HDAC9: variants seen among roughly 807,000 people sequenced by gnomAD.
HDAC9 encodes MEF-2 interacting transcription repressor (MITR) protein.
A neutral mutation model predicts 139.4 loss-of-function variants in HDAC9; 41 were observed. The ratio of observed to expected loss-of-function variants is 0.29; its 90% CI spans 0.23 to 0.38. The LOEUF is 0.38. Ranked by LOEUF, HDAC9 falls within the 10% of genes least tolerant of loss-of-function variation. The pLI is 1.00. For missense variants in HDAC9, 1,147 were observed against 1,297.0 expected (o/e 0.88, Z 1.78); for synonymous variants, 517 against 476.2 (o/e 1.09, Z -1.12).
intron 1 of HDAC9, among the ~76,000 whole-genome samples, chr7:18,304,902 C>CA (rs1254393626): frequency 6.6e-6 from 1 of 151,814 alleles, no homozygotes; most frequent in African/African-American, 2.4e-5. Context: ...CATATGCCCC[C>CA]ACCCCCACCT....
intron 1 of HDAC9, among the ~76,000 whole-genome samples, chr7:18,103,794 C>T (rs1337365207): frequency 1.3e-5 from 2 of 152,182 alleles, no homozygotes; most frequent in Non-Finnish European, 2.9e-5. Flanking sequence ...CAAACTTCTA[C>T]ATAAAGATCG....
At chr7:18,743,365 C>A (rs1033970372) in intron 13 of HDAC9, among the ~76,000 whole-genome samples, 6 of 152,058 alleles carry the variant, frequency 3.9e-5, no homozygotes, top group African/African-American at 1.4e-4. Context: ...GACAAACAGA[C>A]AAACACAAAG....
chr7:18,446,238 TG>T (rs1435400886), intron 1 of HDAC9, among the ~76,000 whole-genome samples: 2 of 152,260 alleles, frequency 1.3e-5, no homozygotes, highest in African/African-American at 4.8e-5. Context: ...ATTCAGAAGA[TG>T]GCCAAAAATA....
At chr7:18,265,684 A>T (rs921303547) in intron 2 of HDAC9, among the ~76,000 whole-genome samples, 5 of 152,180 alleles carry the variant, frequency 3.3e-5, no homozygotes, top group Non-Finnish European at 7.4e-5. Flanking sequence ...TTAATGAAAG[A>T]TAAACATATT....
intron 1 of HDAC9, among the ~76,000 whole-genome samples, chr7:18,421,944 G>A (rs942363109): frequency 1.6e-4 from 24 of 152,122 alleles, no homozygotes; most frequent in African/African-American, 5.3e-4. Context: ...TATATCTTTC[G>A]GGCTTGATCA....
intron 16 of HDAC9, among the ~76,000 whole-genome samples, chr7:18,774,490 T>C (rs567739842): frequency 1.8e-4 from 28 of 152,200 alleles, no homozygotes; most frequent in African/African-American, 6.3e-4. Flanking sequence ...TGTTTCTCAG[T>C]GTATACTAAA....
At chr7:18,516,535 T>C (rs1381440193) in intron 2 of HDAC9, among the ~76,000 whole-genome samples, 1 of 152,260 alleles carries the variant, frequency 6.6e-6, no homozygotes, top group African/African-American at 2.4e-5. Flanking sequence ...CCAGAGGATG[T>C]TCTGATGTGT....
chr7:18,641,097 C>G (rs1200735192), intron 8 of HDAC9, among the ~76,000 whole-genome samples: 1 of 152,084 alleles, frequency 6.6e-6, no homozygotes, highest in Non-Finnish European at 1.5e-5. Flanking sequence ...CCCAGTGTCC[C>G]TTCTGGAAGA....
intron 1 of HDAC9, among the ~76,000 whole-genome samples, chr7:18,145,385 G>A (rs1048850085): frequency 4.9e-4 from 75 of 152,300 alleles, no homozygotes; most frequent in African/African-American, 1.7e-3. Flanking sequence ...GTTTCAAGTT[G>A]ACTGAGCTGG....
chr7:18,667,873 C>T, intron 12 of HDAC9: 1 of 983,200 alleles, frequency 1.0e-6, no homozygotes, highest in Non-Finnish European at 1.2e-6. Context: ...TATAGGTTTA[C>T]TTTTGTTAAG....
chr7:18,789,286 G>GCACACA (rs34385627), intron 16 of HDAC9, among the ~76,000 whole-genome samples: 5 of 148,376 alleles, frequency 3.4e-5, no homozygotes, highest in African/African-American at 5.0e-5. Context: ...ACACATACAC[G>GCACACA]CACACACACA....
rs1397641350 is a variant in HDAC9, at chr7:18,189,781, CA to C, written c.25+27438del. 3.9e-5 allele frequency among the ~76,000 whole-genome samples: 6 copies of C among 152,240 alleles called. No homozygotes were observed. The South Asian group carries it at 6.2e-4, about 16-fold the overall frequency. ...CATTACTGAGGTGCAAACCAAGTGT[CA>C]AAAAACCCAAAGACACATTAATTAA... is the stretch of plus-strand genomic sequence containing the variant. On this transcript the variant is annotated intron_variant, in intron 2 of 12. Coordinates refer to the HDAC9 transcript ENST00000417496.
chr7:18,394,161 G>A (rs1384925191), intron 1 of HDAC9, among the ~76,000 whole-genome samples: 1 of 152,076 alleles, frequency 6.6e-6, no homozygotes, highest in African/African-American at 2.4e-5. Flanking sequence ...TCTACAAGGG[G>A]CCTTAAATAT....
intron 17 of HDAC9, among the ~76,000 whole-genome samples, chr7:18,823,444 T>C: frequency 6.6e-6 from 1 of 152,196 alleles, no homozygotes; most frequent in East Asian, 1.9e-4. Context: ...CTTTTAGATA[T>C]GCTTAGGTGC....
At chr7:18,995,914 CAAAT>C (rs989494400) in intron 25 of HDAC9, 105 bp from the exon 26 acceptor site, 3 of 756,692 alleles carry the variant, frequency 4.0e-6, no homozygotes, top group African/African-American at 1.8e-5. Flanking sequence ...CTGAATAACA[CAAAT>C]AAACATCAGA....
At chr7:18,508,479 C>A (rs1800466131) in intron 2 of HDAC9, among the ~76,000 whole-genome samples, 1 of 152,098 alleles carries the variant, frequency 6.6e-6, no homozygotes, top group Admixed American at 6.6e-5. Flanking sequence ...CTATGATTTT[C>A]TCTGTTTTTC....
At chr7:18,221,008 A>G (rs1464472392) in intron 2 of HDAC9, among the ~76,000 whole-genome samples, 1 of 151,752 alleles carries the variant, frequency 6.6e-6, no homozygotes, top group Non-Finnish European at 1.5e-5. Flanking sequence ...TTTACTTTTT[A>G]TTTTAACACT....
rs183876548 is a variant in HDAC9 at position 18,862,845 on chromosome 7, G to A, written c.2685-11633G>A. 3.9e-5 allele frequency among the ~76,000 whole-genome samples: 6 copies of A among 152,222 alleles called. No individual in the cohort carries two copies. The East Asian group carries it at 1.2e-3, about 29-fold the overall frequency. On this transcript the variant is annotated intron_variant, in intron 21 of 25. Transcript: ENST00000686413. ...GAAAGAGAAAAGCTATGTAGATTCA[G>A]GAGAATGCAATAAACAAAACATGGA...
At chr7:18,339,095 T>A (rs935259416) in intron 1 of HDAC9, among the ~76,000 whole-genome samples, 15 of 151,590 alleles carry the variant, frequency 9.9e-5, no homozygotes, top group African/African-American at 3.4e-4. Flanking sequence ...ATGTAGAATC[T>A]GTAGTGACGT....
Sources: gnomAD v4.1 joint callset for allele counts (sites outside exome capture counted in the v4.1 genomes callset) on GRCh38, gnomAD v4.1.1 for gene constraint, MANE v1.5 for transcripts, NCBI Gene and HGNC (gene_info 2026-07-23, HGNC 2026-07-21) for gene names.